The following LRRFIP1 variants were observed in gnomAD, a reference collection of about 807,000 sequenced individuals.
LRRFIP1 encodes leucine-rich repeat flightless-interacting protein 1.
A neutral mutation model predicts 104.4 loss-of-function variants in LRRFIP1; 62 were observed. That is an observed-to-expected ratio of 0.59 (90% CI 0.48 to 0.73). The LOEUF (loss-of-function observed/expected upper bound fraction) is 0.73, where lower values mean the gene tolerates loss of function less well. LRRFIP1 is among the 30% of genes least tolerant of loss of function. The pLI is 0.00. For missense variants in LRRFIP1, 796 were observed against 824.5 expected, an observed-to-expected ratio of 0.97 and a Z score of 0.42; for synonymous variants, 300 against 299.0, an observed-to-expected ratio of 1.00 and a Z score of -0.03.
At chr2:237,638,577 C>T (rs984784143) in intron 1 of LRRFIP1, among the ~76,000 whole-genome samples, 20 of 152,324 alleles carry the variant, frequency 1.3e-4, no homozygotes, top group African/African-American at 4.8e-4. Flanking sequence ...GCTGTGCTGT[C>T]TATAGGACTC....
At chr2:237,713,583 T>G (rs1158413391) in intron 2 of LRRFIP1, among the ~76,000 whole-genome samples, 2 of 152,336 alleles carry the variant, frequency 1.3e-5, no homozygotes, top group Middle Eastern at 3.4e-3. Context: ...GGTCTCGCAG[T>G]TTTGGCAGTG....
chr2:237,765,656 G>T (rs1276871802), intron 19 of LRRFIP1: 16 of 969,642 alleles, frequency 1.7e-5, no homozygotes, highest in Non-Finnish European at 3.7e-6. Flanking sequence ...GAAAATTCTT[G>T]TTTTGATCTG....
At chr2:237,678,233 G>C (rs532580570) in intron 1 of LRRFIP1, among the ~76,000 whole-genome samples, 37 of 152,236 alleles carry the variant, frequency 2.4e-4, no homozygotes, top group Middle Eastern at 3.4e-3. Flanking sequence ...CAGGCCTCTT[G>C]TTCTAGAAAA....
intron 19 of LRRFIP1, among the ~76,000 whole-genome samples, chr2:237,767,495 G>A (rs1463048776): frequency 6.6e-6 from 1 of 152,074 alleles, no homozygotes; most frequent in Non-Finnish European, 1.5e-5. Flanking sequence ...TATAATTATG[G>A]GTGTATGTCA....
At chr2:237,744,119 C>T (rs1340507635) in intron 11 of LRRFIP1, among the ~76,000 whole-genome samples, 2 of 152,190 alleles carry the variant, frequency 1.3e-5, no homozygotes, top group South Asian at 2.1e-4. Context: ...GAATTACAAA[C>T]ACCAGAGTTC....
intron 10 of LRRFIP1, among the ~76,000 whole-genome samples, chr2:237,738,412 G>C (rs1215780659): frequency 3.3e-5 from 5 of 152,206 alleles, no homozygotes; most frequent in Non-Finnish European, 1.5e-5. Flanking sequence ...GGCTGGAATG[G>C]AGGGGCCTTC....
intron 1 of LRRFIP1, among the ~76,000 whole-genome samples, chr2:237,641,236 G>A (rs2083915931): frequency 6.7e-6 from 1 of 150,268 alleles, no homozygotes. Flanking sequence ...AAAAGGCCAG[G>A]TGCAGTGGCT....
rs3835807 is a variant in LRRFIP1 at position 237,754,416 on chromosome 2, TTAAGA to T, written c.1038+942_1038+946del. On this transcript the variant is annotated intron_variant, in intron 15 of 23. Coordinates refer to ENST00000308482, the MANE Select transcript of LRRFIP1 (RefSeq NM_001137550.2). ...GAGAGTCTCAAGCATGAGTCATGTG[TTAAGA>T]TAAGTAATGACAGCGGACTGATTCC... Among the ~76,000 whole-genome samples the T allele has an allele frequency of 3.4e-3, 519 of 152,258 alleles. 15 individuals are homozygous for T. In the East Asian group the frequency reaches 0.076, roughly 22 times the overall value.
intron 19 of LRRFIP1, among the ~76,000 whole-genome samples, chr2:237,767,356 A>G (rs775333334): frequency 1.3e-5 from 2 of 152,200 alleles, no homozygotes; most frequent in Non-Finnish European, 2.9e-5. Context: ...GGGTTTCACT[A>G]TCATACAGAA....
intron 6 of LRRFIP1, chr2:237,721,597 C>T (rs1200193711): frequency 6.6e-6 from 1 of 152,172 alleles, no homozygotes; most frequent in Non-Finnish European, 1.5e-5. Flanking sequence ...AGCAGCCACT[C>T]GCTTTATTAA....
At chr2:237,663,104 T>C (rs1164826895) in intron 1 of LRRFIP1, among the ~76,000 whole-genome samples, 1 of 152,230 alleles carries the variant, frequency 6.6e-6, no homozygotes, top group African/African-American at 2.4e-5. Flanking sequence ...CTTCTACCTA[T>C]GACTTGCCCT....
chr2:237,764,998 A>G (rs1187376671), intron 19 of LRRFIP1: 15 of 980,594 alleles, frequency 1.5e-5, no homozygotes, highest in Non-Finnish European at 4.8e-6. Context: ...GTGGTGGCTC[A>G]TGCCTGTAAT....
chr2:237,701,424 A>G (rs550877502), intron 1 of LRRFIP1, among the ~76,000 whole-genome samples: 90 of 152,346 alleles, frequency 5.9e-4, no homozygotes, highest in Non-Finnish European at 5.0e-4. Context: ...ATGGAAGCAC[A>G]TGTGGGCTAG....
At position 237,719,684 on chromosome 2, in the gene LRRFIP1, G is replaced by A. The variant is rs1389027333; in HGVS notation, c.294+117G>A. The A allele has an allele frequency of 4.9e-6, 3 of 614,388 alleles. No individual in the cohort carries two copies. The African/African-American group carries it at 5.6e-5, about 11-fold the overall frequency. The allele number at this position is 614,388 out of a possible 1,614,324, so 38.1% of individuals were successfully genotyped here. A position where few individuals can be genotyped will look rare whatever the true frequency, so the allele number is the denominator to read the frequency against. ...CTTAATGATGATATCATCTCTTAAA[G>A]AAATTAACTAATACTATTAATGATA... On this transcript the variant is annotated intron_variant, in intron 5 of 23. Transcript: ENST00000308482.
chr2:237,637,362 G>T (rs962185679), intron 1 of LRRFIP1, among the ~76,000 whole-genome samples: 1 of 152,178 alleles, frequency 6.6e-6, no homozygotes, highest in Non-Finnish European at 1.5e-5. Context: ...CAGCTACTCG[G>T]GGGGCTGAGG....
chr2:237,743,809 C>A (rs530555174), intron 11 of LRRFIP1, among the ~76,000 whole-genome samples: 1 of 152,076 alleles, frequency 6.6e-6, no homozygotes, highest in Non-Finnish European at 1.5e-5. Flanking sequence ...AGAGGTTTGA[C>A]GGCCAGAGCT....
intron 1 of LRRFIP1, among the ~76,000 whole-genome samples, chr2:237,695,366 C>T (rs961879918): frequency 2.0e-5 from 3 of 152,158 alleles, no homozygotes; most frequent in South Asian, 2.1e-4. Context: ...AGTTGCAGAA[C>T]GGTGTTTCAG....
intron 20 of LRRFIP1, among the ~76,000 whole-genome samples, chr2:237,771,085 C>A (rs576984881): frequency 5.9e-5 from 9 of 152,054 alleles, no homozygotes; most frequent in Non-Finnish European, 1.2e-4. Flanking sequence ...CAGGGGTCTC[C>A]TGTGCTTGGT....
At chr2:237,729,268 A>G (rs1352312433) in intron 8 of LRRFIP1, among the ~76,000 whole-genome samples, 2 of 152,208 alleles carry the variant, frequency 1.3e-5, no homozygotes, top group South Asian at 4.1e-4. Context: ...ACACGTAAAG[A>G]TGGCCTTCAG....
Sources: gnomAD v4.1 joint callset for allele counts (sites outside exome capture counted in the v4.1 genomes callset) on GRCh38, gnomAD v4.1.1 for gene constraint, MANE v1.5 for transcripts, NCBI Gene and HGNC (gene_info 2026-07-23, HGNC 2026-07-21) for gene names.